CACNA2D3: variants seen among roughly 807,000 people sequenced by gnomAD.
CACNA2D3 encodes the protein voltage-dependent calcium channel subunit alpha-2/delta-3.
CACNA2D3 carries 60 observed loss-of-function variants against 160.6 expected under a neutral mutation model. The observed-to-expected ratio is 0.37, with a 90% CI of 0.30 to 0.46. CACNA2D3 has a LOEUF of 0.46. CACNA2D3 is among the 20% of genes least tolerant of loss of function. The pLI is 1.00. For missense variants in CACNA2D3, 1,205 were observed against 1,365.0 expected, an observed-to-expected ratio of 0.88 and a Z score of 1.85; for synonymous variants, 558 against 492.9, an observed-to-expected ratio of 1.13 and a Z score of -1.75.
At chr3:54,699,057 T>C (rs1181840372) in intron 11 of CACNA2D3, among the ~76,000 whole-genome samples, 1 of 152,174 alleles carries the variant, frequency 6.6e-6, no homozygotes, top group East Asian at 1.9e-4. Flanking sequence ...ACAGTGTGCT[T>C]CATTGAAAAG....
intron 4 of CACNA2D3, among the ~76,000 whole-genome samples, chr3:54,433,166 C>G (rs1700013529): frequency 6.6e-6 from 1 of 152,082 alleles, no homozygotes; most frequent in Non-Finnish European, 1.5e-5. Context: ...GTGCAGCTAG[C>G]TCATTTGGGA....
At chr3:54,340,069 A>G (rs991571560) in intron 3 of CACNA2D3, among the ~76,000 whole-genome samples, 2 of 152,242 alleles carry the variant, frequency 1.3e-5, no homozygotes, top group Non-Finnish European at 2.9e-5. Context: ...GACAGTACTC[A>G]AAGAGAAATG....
At chr3:54,678,831 G>T (rs1700292107) in intron 11 of CACNA2D3, among the ~76,000 whole-genome samples, 1 of 146,652 alleles carries the variant, frequency 6.8e-6, no homozygotes, top group African/African-American at 2.5e-5. Flanking sequence ...AAAATTAAAT[G>T]ATAATGAATT....
intron 2 of CACNA2D3, among the ~76,000 whole-genome samples, chr3:54,230,074 G>A (rs1337934075): frequency 6.7e-6 from 1 of 149,908 alleles, no homozygotes; most frequent in African/African-American, 2.5e-5. Context: ...AAGGAAAAAA[G>A]TAAAACAAAA....
intron 10 of CACNA2D3, among the ~76,000 whole-genome samples, chr3:54,640,591 G>A (rs566699765): frequency 6.6e-6 from 1 of 152,268 alleles, no homozygotes; most frequent in African/African-American, 2.4e-5. Flanking sequence ...AAGAAGTCTA[G>A]GGTTTTACAT....
chr3:55,059,281 T>C (rs1391419821), intron 35 of CACNA2D3, among the ~76,000 whole-genome samples: 1 of 152,276 alleles, frequency 6.6e-6, no homozygotes, highest in African/African-American at 2.4e-5. Flanking sequence ...CTGTGAGTTC[T>C]AGGTAATGTT....
rs560392580 is a variant in CACNA2D3 at position 54,330,032 on chromosome 3, G to A, written c.321+9474G>A. On this transcript the variant is annotated intron_variant, in intron 3 of 37. Transcript: ENST00000474759. ...AATTCATTGGCATTTCATTTACACT[G>A]CATTCAGTGGAGAGATGACAGCCCT... is the stretch of plus-strand genomic sequence containing the variant. Among the ~76,000 whole-genome samples the A allele has an allele frequency of 5.6e-4, 86 of 152,274 alleles. 1 individual carries two copies. Among genetic ancestry groups the A allele is most frequent in the African/African-American group, 2.0e-3 (83 of 41,544 alleles).
At chr3:54,222,461 G>A (rs1236133861) in intron 2 of CACNA2D3, among the ~76,000 whole-genome samples, 2 of 152,176 alleles carry the variant, frequency 1.3e-5, no homozygotes, top group South Asian at 2.1e-4. Flanking sequence ...TTCTATTGAG[G>A]CCTTCAACTG....
At chr3:54,645,175 C>T (rs1231052971) in intron 11 of CACNA2D3, among the ~76,000 whole-genome samples, 2 of 152,216 alleles carry the variant, frequency 1.3e-5, no homozygotes, top group Non-Finnish European at 2.9e-5. Context: ...GCACATCTTA[C>T]ATGGCGGCAG....
intron 2 of CACNA2D3, among the ~76,000 whole-genome samples, chr3:54,178,341 A>T (rs889900997): frequency 6.6e-6 from 1 of 151,976 alleles, no homozygotes; most frequent in Non-Finnish European, 1.5e-5. Flanking sequence ...TCCTTTCTGG[A>T]GTTGTCTCCA....
At chr3:54,253,928 T>C (rs1277138035) in intron 2 of CACNA2D3, among the ~76,000 whole-genome samples, 1 of 151,824 alleles carries the variant, frequency 6.6e-6, no homozygotes, top group Non-Finnish European at 1.5e-5. Context: ...CCACCACGCC[T>C]GGCTAATTTT....
intron 17 of CACNA2D3, among the ~76,000 whole-genome samples, chr3:54,856,961 A>G (rs1268420454): frequency 6.6e-6 from 1 of 152,138 alleles, no homozygotes; most frequent in African/African-American, 2.4e-5. Flanking sequence ...TTTGTGTTTT[A>G]GTAGAAACAG....
intron 2 of CACNA2D3, among the ~76,000 whole-genome samples, chr3:54,123,986 T>C (rs1395834336): frequency 6.6e-6 from 1 of 152,218 alleles, no homozygotes; most frequent in African/African-American, 2.4e-5. Context: ...CACCTTGCGT[T>C]GGAGGCGTGG....
At chr3:54,686,383 C>T (rs983993221) in intron 11 of CACNA2D3, among the ~76,000 whole-genome samples, 1 of 152,164 alleles carries the variant, frequency 6.6e-6, no homozygotes, top group Non-Finnish European at 1.5e-5. Context: ...GCAGATGGTT[C>T]AGATTTTTGC....
intron 2 of CACNA2D3, among the ~76,000 whole-genome samples, chr3:54,162,102 G>A (rs1700357391): frequency 6.6e-6 from 1 of 152,156 alleles, no homozygotes; most frequent in Non-Finnish European, 1.5e-5. Context: ...TGGGCCAGAG[G>A]CTGTCTTTCA....
chr3:54,354,299 C>T (rs780953160), intron 3 of CACNA2D3, among the ~76,000 whole-genome samples: 14 of 152,200 alleles, frequency 9.2e-5, no homozygotes, highest in Non-Finnish European at 1.8e-4. Context: ...GTTTTAAGGA[C>T]AGCCCAGGGC....
Position 54,790,087 on chromosome 3 carries a change from TGTACTAGGGTA to T in CACNA2D3, c.1380+25739_1380+25749del, listed in dbSNP as rs373828077. On this transcript the variant is annotated intron_variant, in intron 13 of 37. Transcript: ENST00000474759. ...CTGGATTACACTTTCCTGGCTGGAG[TGTACTAGGGTA>T]GTTAGGAACACAGGCCCTGGAGCCA... Among the ~76,000 whole-genome samples the T allele has an allele frequency of 1.1e-3, 171 of 152,204 alleles. 1 individual carries two copies. The highest frequency in any genetic ancestry group is 4.0e-3 in the African/African-American group (168 of 41,522).
At chr3:54,859,079 C>CT (rs1253968225) in intron 17 of CACNA2D3, among the ~76,000 whole-genome samples, 6 of 152,164 alleles carry the variant, frequency 3.9e-5, no homozygotes, top group Non-Finnish European at 7.3e-5. Flanking sequence ...TTGCTCCCCT[C>CT]TTTGAAGTTC....
At chr3:54,998,821 A>G (rs1702918637) in intron 31 of CACNA2D3, among the ~76,000 whole-genome samples, 1 of 152,052 alleles carries the variant, frequency 6.6e-6, no homozygotes, top group South Asian at 2.1e-4. Flanking sequence ...GTCTCAGCTC[A>G]CTGAAAGCTC....
Sources: gnomAD v4.1 joint callset for allele counts (sites outside exome capture counted in the v4.1 genomes callset) on GRCh38, gnomAD v4.1.1 for gene constraint, MANE v1.5 for transcripts, NCBI Gene and HGNC (gene_info 2026-07-23, HGNC 2026-07-21) for gene names.